UGGT2: variants seen among roughly 807,000 people sequenced by gnomAD.
UGGT2 encodes UDP-glucose glycoprotein glucosyltransferase 2, also known as UDP-glucose:glycoprotein glucosyltransferase 2.
UGGT2 carries 180 observed loss-of-function variants against 192.1 expected under a neutral mutation model. The observed-to-expected ratio is 0.94, with a 90% CI of 0.83 to 1.06. The LOEUF is 1.06. Among genes scored for constraint, UGGT2 ranks in the 50% least tolerant of loss-of-function variants. The pLI, the probability that UGGT2 is intolerant of heterozygous loss-of-function variation, is 0.00. For missense variants in UGGT2, 1,849 were observed against 1,795.7 expected, an observed-to-expected ratio of 1.03 and a Z score of -0.54; for synonymous variants, 580 against 591.0, an observed-to-expected ratio of 0.98 and a Z score of 0.27.
intron 20 of UGGT2, among the ~76,000 whole-genome samples, chr13:95,914,072 G>T (rs1349921012): frequency 6.6e-6 from 1 of 152,072 alleles, no homozygotes; most frequent in Non-Finnish European, 1.5e-5. Context: ...ACAGGGAAGG[G>T]AACATCACCC....
chr13:96,020,781 C>T (rs985243901), intron 4 of UGGT2, among the ~76,000 whole-genome samples: 8 of 152,130 alleles, frequency 5.3e-5, no homozygotes, highest in Admixed American at 5.2e-4. Context: ...GTCAACATCC[C>T]ACCCATGACA....
intron 38 of UGGT2, among the ~76,000 whole-genome samples, chr13:95,821,023 G>C (rs1373129648): frequency 6.6e-6 from 1 of 151,966 alleles, no homozygotes; most frequent in East Asian, 1.9e-4. Flanking sequence ...TTGGTTCTTT[G>C]CAATTGTGAA....
At chr13:95,854,195 T>C (rs757548700) in intron 35 of UGGT2, 120 bp downstream of exon 35, 256 of 1,036,342 alleles carry the variant, frequency 2.5e-4, no homozygotes, top group Non-Finnish European at 3.3e-4. Context: ...ATGAACACTA[T>C]GTAATTGGTT....
In UGGT2 at chr13:95,887,960, C is replaced by T. The variant is rs79938836; in HGVS notation, c.2970G>A (p.Lys990=). Residue 990 remains lysine (K), a synonymous_variant, in exon 26 of 39, where the codon AAG becomes AAA. Coordinates refer to ENST00000376747, the MANE Select transcript of UGGT2 (RefSeq NM_020121.4). ...ACAACTTTATCTTCATGTTGATAAT[C>T]TTGCCAAGTACCTATTGGAAAGAAA... ...KMAQLLVVLG[K]IINMKIKLFM... 6.2e-7 allele frequency: 1 copy of T among 1,600,804 alleles called. No homozygotes were observed. Among genetic ancestry groups the T allele is most frequent in the African/African-American group, 1.3e-5 (1 of 74,622 alleles).
chr13:95,995,987 C>CA, intron 7 of UGGT2, 76 bp downstream of exon 7: 1 of 1,286,348 alleles, frequency 7.8e-7, no homozygotes, highest in Non-Finnish European at 1.1e-6. Context: ...AAGCATATGG[C>CA]AAAACAGTAT....
chr13:95,831,323 T>C (rs752866626), intron 38 of UGGT2, among the ~76,000 whole-genome samples: 1 of 152,124 alleles, frequency 6.6e-6, no homozygotes, highest in African/African-American at 2.4e-5. Context: ...CCCTTACTTA[T>C]ATACATATCT....
intron 1 of UGGT2, among the ~76,000 whole-genome samples, chr13:96,050,885 G>A (rs2053465395): frequency 6.6e-6 from 1 of 152,206 alleles, no homozygotes; most frequent in African/African-American, 2.4e-5. Flanking sequence ...CTGTTGGTGG[G>A]ACTGTAAACT....
At chr13:96,052,760 A>ACTATG (rs2053522551) in intron 1 of UGGT2, among the ~76,000 whole-genome samples, 2 of 152,232 alleles carry the variant, frequency 1.3e-5, no homozygotes, top group African/African-American at 4.8e-5. Context: ...CCCTCCCCAT[A>ACTATG]GTAAGCCTAG....
chr13:95,831,751 T>C lies in UGGT2; in HGVS notation c.4528+1176A>G, dbSNP rs527511066. Among the ~76,000 whole-genome samples, 3 of 152,204 alleles carry C rather than the reference T, an allele frequency of 2.0e-5. No homozygotes were observed. The South Asian group carries it at 6.2e-4, about 32-fold the overall frequency. On this transcript the variant is annotated intron_variant, in intron 38 of 38. Coordinates refer to ENST00000376747, the MANE Select transcript of UGGT2 (RefSeq NM_020121.4). ...ACATTCTCACCAATGCTCATTATTA[T>C]TAACTGTTACCTCTTTCCCAATTTG...
chr13:95,923,494 C>T (rs892417907), intron 20 of UGGT2, among the ~76,000 whole-genome samples: 1 of 151,700 alleles, frequency 6.6e-6, no homozygotes, highest in Non-Finnish European at 1.5e-5. Context: ...TCAGCCTCGC[C>T]AGTAGCTGGG....
chr13:95,886,523 C>G (rs76248264), intron 26 of UGGT2, among the ~76,000 whole-genome samples: 1 of 152,256 alleles, frequency 6.6e-6, no homozygotes, highest in East Asian at 1.9e-4. Flanking sequence ...ACTTATGGAA[C>G]TAACAAACCT....
At chr13:95,955,517 C>T (rs1025911763) in intron 12 of UGGT2, among the ~76,000 whole-genome samples, 2 of 152,276 alleles carry the variant, frequency 1.3e-5, no homozygotes, top group Non-Finnish European at 2.9e-5. Flanking sequence ...AGTAATACTT[C>T]TGAGTATACG....
rs143430091 is a variant in UGGT2 at position 96,011,120 on chromosome 13, C to A, written c.660+2187G>T. On this transcript the variant is annotated intron_variant, in intron 5 of 38. Coordinates refer to ENST00000376747, the MANE Select transcript of UGGT2 (RefSeq NM_020121.4). Reference sequence around the variant, plus strand: ...CACAAACCTTAAATGGATCATAAACCTATGTGTAAACATAAAACTATAAAA... The same window carrying A: ...CACAAACCTTAAATGGATCATAAACATATGTGTAAACATAAAACTATAAAA... 3.6e-4 allele frequency among the ~76,000 whole-genome samples: 55 copies of A among 152,138 alleles called. No individual in the cohort carries two copies. The East Asian group carries it at 8.9e-3, about 25-fold the overall frequency.
intron 30 of UGGT2, among the ~76,000 whole-genome samples, chr13:95,864,925 T>G (rs375598322): frequency 6.6e-6 from 1 of 152,226 alleles, no homozygotes; most frequent in Non-Finnish European, 1.5e-5. Context: ...CACATTTGAT[T>G]AAGAATTTGG....
intron 6 of UGGT2, 24 bp from the exon 7 acceptor site, chr13:95,996,159 A>G: frequency 6.3e-7 from 1 of 1,575,332 alleles, no homozygotes; most frequent in Admixed American, 1.8e-5. Context: ...ACAAAACCAA[A>G]AAACAACAAA....
chr13:95,940,438 G>A (rs1594390226), intron 15 of UGGT2, among the ~76,000 whole-genome samples: 2 of 144,018 alleles, frequency 1.4e-5, no homozygotes, highest in Admixed American at 6.9e-5. Context: ...TTGCTTTTCT[G>A]TAATTTTTTT....
intron 20 of UGGT2, among the ~76,000 whole-genome samples, chr13:95,917,582 TG>T (rs1183814099): frequency 3.3e-5 from 5 of 152,054 alleles, no homozygotes; most frequent in Admixed American, 6.6e-5. Context: ...TAAATGCAAA[TG>T]GGTTAAATGC....
Position 96,023,689 on chromosome 13 carries a change from G to C in UGGT2, c.312C>G (p.Asn104Lys). 6.2e-7 allele frequency: 1 copy of C among 1,611,874 alleles called. No individual in the cohort carries two copies. The highest frequency in any genetic ancestry group is 1.1e-5 in the South Asian group (1 of 90,888). ...TTATAGAGAAAGCAAACTTTAAAAG[G>C]TTGATGTGTAAATTGTCTAGAAACT... ...AGQFLDNLHI[N>K]LLKFAFSIRA... The change falls in exon 3 of 39, where the codon AAC becomes AAG. Residue 104 changes from asparagine (N) to lysine (K), a missense_variant. Physicochemically the swap from Asn to Lys is moderately conservative, Grantham distance 94. Transcript: ENST00000376747.
chr13:95,979,938 A>G (rs1298504190), intron 10 of UGGT2, among the ~76,000 whole-genome samples: 9 of 152,220 alleles, frequency 5.9e-5, no homozygotes, highest in Admixed American at 4.6e-4. Flanking sequence ...CAAAACCACA[A>G]TGCAATACCA....
Sources: gnomAD v4.1 joint callset for allele counts (sites outside exome capture counted in the v4.1 genomes callset) on GRCh38, gnomAD v4.1.1 for gene constraint, MANE v1.5 for transcripts, NCBI Gene and HGNC (gene_info 2026-07-23, HGNC 2026-07-21) for gene names.